DSCAM: variants seen among roughly 807,000 people sequenced by gnomAD.
DSCAM encodes the protein cell adhesion molecule DSCAM.
Under a neutral mutation model 217.7 loss-of-function variants are expected in DSCAM, and 47 were observed. That is an observed-to-expected ratio of 0.22 (90% CI 0.17 to 0.28). DSCAM has a LOEUF of 0.28. Among genes scored for constraint, DSCAM ranks in the 10% least tolerant of loss-of-function variants. The pLI is 1.00. For missense variants in DSCAM, 2,080 were observed against 2,618.3 expected (o/e 0.79, Z 4.49); for synonymous variants, 1,056 against 1,015.3 (o/e 1.04, Z -0.76).
chr21:40,358,580 G>A (rs112056495), intron 4 of DSCAM, among the ~76,000 whole-genome samples: 1 of 152,106 alleles, frequency 6.6e-6, no homozygotes. Flanking sequence ...GCCGAGGCAG[G>A]CAGATCACAT....
chr21:40,548,509 A>ATAT (rs557090214), intron 3 of DSCAM, among the ~76,000 whole-genome samples: 1,441 of 58,104 alleles, frequency 0.025, 5 homozygotes, highest in Non-Finnish European at 0.038. Context: ...CCAGTAAAAA[A>ATAT]AAAAATATAT....
chr21:40,565,992 A>G (rs1421390320), intron 3 of DSCAM, among the ~76,000 whole-genome samples: 1 of 152,234 alleles, frequency 6.6e-6, no homozygotes, highest in East Asian at 1.9e-4. Context: ...GCACATAAAG[A>G]TAACTAAAAC....
intron 8 of DSCAM, among the ~76,000 whole-genome samples, chr21:40,329,435 G>A (rs879622090): frequency 2.6e-5 from 4 of 151,960 alleles, no homozygotes; most frequent in African/African-American, 4.8e-5. Context: ...TCAATATGGC[G>A]AAGGCTTGTC....
At chr21:40,739,103 T>G (rs2091095988) in intron 1 of DSCAM, among the ~76,000 whole-genome samples, 1 of 152,204 alleles carries the variant, frequency 6.6e-6, no homozygotes, top group Non-Finnish European at 1.5e-5. Context: ...TGGTATTATT[T>G]GTACTGAGAC....
chr21:40,270,168 C>T (rs185813755), intron 11 of DSCAM, among the ~76,000 whole-genome samples: 1 of 152,322 alleles, frequency 6.6e-6, no homozygotes, highest in East Asian at 1.9e-4. Flanking sequence ...GGGTTTCCTT[C>T]ACTAAGCAAT....
chr21:40,672,527 G>C (rs2090289276), intron 3 of DSCAM, among the ~76,000 whole-genome samples: 1 of 151,964 alleles, frequency 6.6e-6, no homozygotes, highest in African/African-American at 2.4e-5. Context: ...ACAGAAAAAA[G>C]AAAACAGCTT....
intron 1 of DSCAM, among the ~76,000 whole-genome samples, chr21:40,778,154 C>T (rs1278895906): frequency 6.6e-6 from 1 of 151,912 alleles, no homozygotes; most frequent in East Asian, 1.9e-4. Flanking sequence ...GGATATGCTT[C>T]AAGAAAAAGG....
intron 15 of DSCAM, among the ~76,000 whole-genome samples, chr21:40,169,102 T>C (rs765853698): frequency 1.3e-5 from 2 of 151,890 alleles, no homozygotes; most frequent in Non-Finnish European, 2.9e-5. Context: ...TGGCAGAAAC[T>C]GAAGAGGGCA....
intron 11 of DSCAM, among the ~76,000 whole-genome samples, chr21:40,268,339 G>A (rs1038585179): frequency 3.3e-5 from 5 of 152,134 alleles, no homozygotes; most frequent in Admixed American, 2.0e-4. Context: ...CCAGAAGACA[G>A]GAGGAGATTC....
At chr21:40,321,656 CT>C (rs531160606) in intron 8 of DSCAM, among the ~76,000 whole-genome samples, 39 of 149,334 alleles carry the variant, frequency 2.6e-4, no homozygotes, top group African/African-American at 9.4e-4. Context: ...TGTGATATAC[CT>C]TACCCACCTC....
chr21:40,186,753 G>T (rs1379060459), intron 14 of DSCAM, among the ~76,000 whole-genome samples: 1 of 152,166 alleles, frequency 6.6e-6, no homozygotes, highest in East Asian at 1.9e-4. Flanking sequence ...ATGGGCTCAG[G>T]CTCTACAAAA....
intron 1 of DSCAM, among the ~76,000 whole-genome samples, chr21:40,778,091 C>T (rs2123415135): frequency 6.6e-6 from 1 of 152,044 alleles, no homozygotes; most frequent in East Asian, 1.9e-4. Flanking sequence ...GTAAAGATAA[C>T]AAAAACTGAG....
At chr21:40,744,939 A>G (rs1053641499) in intron 1 of DSCAM, among the ~76,000 whole-genome samples, 5 of 152,222 alleles carry the variant, frequency 3.3e-5, no homozygotes, top group African/African-American at 1.2e-4. Flanking sequence ...AATTTGAGAA[A>G]TTTAGCAAGT....
chr21:40,725,371 G>A (rs191096038), intron 1 of DSCAM, among the ~76,000 whole-genome samples: 5 of 151,956 alleles, frequency 3.3e-5, no homozygotes, highest in East Asian at 1.9e-4. Flanking sequence ...AAAAACCTGC[G>A]TCCGGGCTCC....
At chr21:40,674,311 T>C (rs1461626140) in intron 3 of DSCAM, among the ~76,000 whole-genome samples, 1 of 152,216 alleles carries the variant, frequency 6.6e-6, no homozygotes, top group Non-Finnish European at 1.5e-5. Context: ...GCTTCAGTTG[T>C]TGTAGCATTA....
chr21:40,376,701 C>CA (rs1320645064), intron 3 of DSCAM, among the ~76,000 whole-genome samples: 1 of 118,884 alleles, frequency 8.4e-6, no homozygotes, highest in African/African-American at 3.3e-5. Flanking sequence ...TCATATATAT[C>CA]TTATATAGAT....
intron 11 of DSCAM, among the ~76,000 whole-genome samples, chr21:40,271,263 G>A (rs1372753946): frequency 6.6e-6 from 1 of 152,228 alleles, no homozygotes; most frequent in Non-Finnish European, 1.5e-5. Flanking sequence ...GAGCTTGGGG[G>A]TTCACTAGAT....
At chr21:40,228,266 T>C (rs2142082) in intron 11 of DSCAM, among the ~76,000 whole-genome samples, 4,464 of 152,240 alleles carry the variant, frequency 0.029, 199 homozygotes, top group East Asian at 0.14. Context: ...CATGTCGTCC[T>C]TTCTGGAAGG....
At chr21:40,648,675 C>T (rs989954782) in intron 3 of DSCAM, among the ~76,000 whole-genome samples, 1 of 152,142 alleles carries the variant, frequency 6.6e-6, no homozygotes, top group South Asian at 2.1e-4. Context: ...TTCATTTTAA[C>T]CTTTTTTGCA....
Sources: gnomAD v4.1 joint callset for allele counts (sites outside exome capture counted in the v4.1 genomes callset) on GRCh38, gnomAD v4.1.1 for gene constraint, MANE v1.5 for transcripts, NCBI Gene and HGNC (gene_info 2026-07-23, HGNC 2026-07-21) for gene names.